The following SWT1 variants were observed in gnomAD, a reference collection of about 807,000 sequenced individuals.
SWT1 encodes the protein SWT1 RNA endoribonuclease homolog.
A neutral mutation model predicts 107.3 loss-of-function variants in SWT1; 33 were observed. That is an observed-to-expected ratio of 0.31 (90% CI 0.23 to 0.41). The LOEUF (loss-of-function observed/expected upper bound fraction) is 0.41. Among genes scored for constraint, SWT1 ranks in the 10% least tolerant of loss-of-function variants. SWT1 has a pLI of 1.00. For synonymous variants in SWT1, 345 were observed against 348.3 expected, an observed-to-expected ratio of 0.99 and a Z score of 0.11; for missense variants, 898 against 1,028.9, an observed-to-expected ratio of 0.87 and a Z score of 1.74.
intron 10 of SWT1, among the ~76,000 whole-genome samples, chr1:185,193,467 C>CTTTTTTTTTTTTT (rs770162424): frequency 7.2e-6 from 1 of 139,506 alleles, no homozygotes; most frequent in Non-Finnish European, 1.6e-5. Context: ...TTTTTCTTTT[C>CTTTTTTTTTTTTT]TTTTTTTTTT....
At chr1:185,165,060 A>G (rs1055848300) in intron 2 of SWT1, among the ~76,000 whole-genome samples, 4 of 152,178 alleles carry the variant, frequency 2.6e-5, no homozygotes, top group Non-Finnish European at 5.9e-5. Flanking sequence ...GGTCATTAGT[A>G]GGCTTAATTT....
chr1:185,279,140 G>A (rs114152166), intron 18 of SWT1, among the ~76,000 whole-genome samples: 5 of 152,110 alleles, frequency 3.3e-5, no homozygotes, highest in Admixed American at 2.0e-4. Flanking sequence ...TCAATGAATC[G>A]GTTTTACTCA....
intron 15 of SWT1, among the ~76,000 whole-genome samples, chr1:185,225,959 A>C (rs1335338855): frequency 6.6e-6 from 1 of 152,206 alleles, no homozygotes; most frequent in African/African-American, 2.4e-5. Flanking sequence ...AAATGGCATG[A>C]GGACTAACAA....
intron 5 of SWT1, among the ~76,000 whole-genome samples, chr1:185,175,508 G>A (rs903952393): frequency 6.6e-6 from 1 of 152,166 alleles, no homozygotes; most frequent in African/African-American, 2.4e-5. Context: ...GATTACAGAC[G>A]TGAGCCACTG....
intron 14 of SWT1, among the ~76,000 whole-genome samples, chr1:185,217,788 G>A (rs919121516): frequency 1.5e-4 from 23 of 152,126 alleles, no homozygotes; most frequent in Admixed American, 1.4e-3. Flanking sequence ...TAGAGACAGG[G>A]TTTCACCATG....
rs777134349 is a variant in SWT1, at chr1:185,204,859, T to C, written c.1829T>C (p.Met610Thr). 7 of 1,557,338 alleles carry C rather than the reference T, an allele frequency of 4.5e-6. No homozygotes were observed. In the South Asian group the frequency reaches 8.6e-5, roughly 19 times the overall value. The change falls in exon 12 of 19, where the codon ATG becomes ACG. Residue 610 changes from methionine (M) to threonine (T), a missense_variant. Met to Thr is a moderately conservative substitution (Grantham distance 81). Transcript: ENST00000367500. ...AAAATTGCTTTTGGAAACCTTTGGA[T>C]GGAGGTGATTAGTTGAACTCTATTA... is the stretch of plus-strand genomic sequence containing the variant. The part of the protein sequence containing the change: ...EMKIAFGNLW[M>T]EILYLKPPWT...
intron 16 of SWT1, among the ~76,000 whole-genome samples, chr1:185,265,648 A>C (rs1037025469): frequency 6.6e-6 from 1 of 152,202 alleles, no homozygotes; most frequent in Non-Finnish European, 1.5e-5. Flanking sequence ...AGATAGGTTA[A>C]TTAGCCTTTT....
Position 185,227,081 on chromosome 1 carries a change from A to T in SWT1, c.2310-4496A>T, listed in dbSNP as rs1491003774. The T allele has an allele frequency of 8.1e-6, 9 of 1,105,984 alleles. No homozygotes were observed. The East Asian group carries it at 2.1e-4, about 26-fold the overall frequency. 68.5% of individuals were successfully genotyped at this position (1,105,984 alleles called of 1,614,324 possible). ...CTTCTTCCATTAAATAGCACATGTA[A>T]TCTGCAACATTCTGGCCCATGATGT... On this transcript the variant is annotated intron_variant, in intron 15 of 18. Coordinates refer to ENST00000367500, the MANE Select transcript of SWT1 (RefSeq NM_017673.7).
chr1:185,200,599 G>A (rs1254222532), intron 10 of SWT1, among the ~76,000 whole-genome samples: 7 of 152,204 alleles, frequency 4.6e-5, no homozygotes. Flanking sequence ...AGCAAAGATT[G>A]CTGCCTGTTC....
Position 185,174,483 on chromosome 1 carries a change from G to A in SWT1, c.336G>A (p.Leu112=). The A allele has an allele frequency of 6.2e-7, 1 of 1,611,054 alleles. No homozygotes were observed. Among genetic ancestry groups the A allele is most frequent in the Non-Finnish European group, 8.5e-7 (1 of 1,179,090 alleles). ...ASYSNDNQII[L]QSPSSNGTKK... ...ATTCAAATGATAATCAAATTATTTT[G>A]CAGAGTCCTTCTTCAAATGGAACTA... Residue 112 remains leucine, a synonymous_variant, in exon 5 of 19, where the codon TTG becomes TTA. Coordinates refer to ENST00000367500, the MANE Select transcript of SWT1 (RefSeq NM_017673.7).
intron 16 of SWT1, among the ~76,000 whole-genome samples, chr1:185,250,991 T>C (rs1661975122): frequency 6.6e-6 from 1 of 152,234 alleles, no homozygotes; most frequent in South Asian, 2.1e-4. Flanking sequence ...TTTGACATGG[T>C]TGATACACTT....
intron 15 of SWT1, among the ~76,000 whole-genome samples, chr1:185,223,145 C>A (rs1407113306): frequency 2.0e-5 from 3 of 152,100 alleles, no homozygotes; most frequent in Non-Finnish European, 4.4e-5. Flanking sequence ...CATAATGGCA[C>A]CACTAATTTA....
intron 15 of SWT1, among the ~76,000 whole-genome samples, chr1:185,230,436 T>C (rs987516611): frequency 2.0e-5 from 3 of 152,184 alleles, no homozygotes; most frequent in African/African-American, 7.2e-5. Flanking sequence ...AGTCCCTGCC[T>C]TGTAGATGTA....
chr1:185,240,732 G>A (rs540186051), intron 16 of SWT1, among the ~76,000 whole-genome samples: 3 of 152,122 alleles, frequency 2.0e-5, no homozygotes, highest in Non-Finnish European at 2.9e-5. Flanking sequence ...CATTCTTGTG[G>A]CTTTAGTTTG....
rs759606765 is a variant in SWT1 at position 185,241,521 on chromosome 1, GACTT to G, written c.2441+9815_2441+9818del. Among the ~76,000 whole-genome samples, 5 of 152,148 alleles carry G rather than the reference GACTT, an allele frequency of 3.3e-5. No individual in the cohort carries two copies. The South Asian group carries it at 1.0e-3, about 32-fold the overall frequency. On this transcript the variant is annotated intron_variant, in intron 16 of 18. Coordinates refer to ENST00000367500, the MANE Select transcript of SWT1 (RefSeq NM_017673.7). Reference sequence around the variant, plus strand: ...ACAATTTATTGTTTAAAAATGAAAAGACTTAGTTGCTTCATCCTTCATGCCACCA... The same window carrying G: ...ACAATTTATTGTTTAAAAATGAAAAGAGTTGCTTCATCCTTCATGCCACCA...
rs1203987377 is a variant in SWT1 at position 185,231,719 on chromosome 1, T to C, written c.2441+11T>C. Reference sequence around the variant, plus strand: ...TGAAGGAATTCAAAGGTAAACACTATATTAATTTTAAAGTGTTATTTACTT... The same window carrying C: ...TGAAGGAATTCAAAGGTAAACACTACATTAATTTTAAAGTGTTATTTACTT... On this transcript the variant is annotated intron_variant, in intron 16 of 18. Coordinates refer to ENST00000367500, the MANE Select transcript of SWT1 (RefSeq NM_017673.7). 1 of 1,588,554 alleles carries C rather than the reference T, an allele frequency of 6.3e-7. No individual in the cohort carries two copies. Among genetic ancestry groups the C allele is most frequent in the African/African-American group, 1.4e-5 (1 of 73,852 alleles).
intron 18 of SWT1, chr1:185,281,305 A>G (rs1229716707): frequency 5.1e-5 from 11 of 215,602 alleles, no homozygotes; most frequent in Non-Finnish European, 1.0e-4. Flanking sequence ...AGAAACATAT[A>G]CAGTGGAAGA....
Position 185,206,734 on chromosome 1 carries a change from T to C in SWT1, c.1943T>C (p.Ile648Thr). 2.5e-6 allele frequency: 4 copies of C among 1,602,778 alleles called. No homozygotes were observed. Among genetic ancestry groups the C allele is most frequent in the Non-Finnish European group, 3.4e-6 (4 of 1,175,562 alleles). Residue 648 changes from isoleucine (I) to threonine (T), a missense_variant, in exon 13 of 19, where the codon ATT becomes ACT. Ile to Thr is a moderately conservative substitution (Grantham distance 89, BLOSUM62 -1). This residue lies in a region of SWT1 where 382 missense variants were observed against 460.0 expected (regional missense o/e 0.83). Transcript: ENST00000367500. The stretch of plus-strand genomic sequence containing the variant: ...ATGGAAAAGAACTTGCTTTTAACTA[T>C]TGAGAGCCTATACAAAAATCTCCGT... ...LVMEKNLLLT[I>T]ESLYKNLRKA...
chr1:185,205,502 G>A (rs779825198), intron 12 of SWT1, among the ~76,000 whole-genome samples: 3 of 152,128 alleles, frequency 2.0e-5, no homozygotes, highest in Non-Finnish European at 2.9e-5. Flanking sequence ...CCAAGCAGCT[G>A]GGATTACAGG....
Sources: gnomAD v4.1 joint callset for allele counts (sites outside exome capture counted in the v4.1 genomes callset) on GRCh38, gnomAD v4.1.1 for gene constraint, gnomAD v4.1.1 regional missense constraint, MANE v1.5 for transcripts, NCBI Gene and HGNC (gene_info 2026-07-23, HGNC 2026-07-21) for gene names.